Variants in ERBB4 observed in about 807,000 individuals in gnomAD.
The protein encoded by ERBB4 is receptor tyrosine-protein kinase erbB-4.
A neutral mutation model predicts 158.0 loss-of-function variants in ERBB4; 42 were observed. The observed-to-expected ratio is 0.27, with a 90% CI of 0.21 to 0.34. ERBB4 has a LOEUF of 0.34. Ranked by LOEUF, ERBB4 falls within the 10% of genes least tolerant of loss-of-function variation. ERBB4 has a pLI of 1.00. For synonymous variants in ERBB4, 583 were observed against 558.7 expected (o/e 1.04, Z -0.61); for missense variants, 1,333 against 1,624.1 (o/e 0.82, Z 3.08).
chr2:211,775,092 T>A (rs1310500985), intron 4 of ERBB4, among the ~76,000 whole-genome samples: 1 of 152,212 alleles, frequency 6.6e-6, no homozygotes, highest in Non-Finnish European at 1.5e-5. Flanking sequence ...CTCTCTAGAC[T>A]AACAATTAAA....
intron 25 of ERBB4, among the ~76,000 whole-genome samples, chr2:211,415,313 G>A (rs1449867065): frequency 6.6e-6 from 1 of 151,356 alleles, no homozygotes; most frequent in Non-Finnish European, 1.5e-5. Flanking sequence ...TAGAGGCGGG[G>A]TTTCACCGCG....
intron 2 of ERBB4, among the ~76,000 whole-genome samples, chr2:212,083,561 T>C (rs1490917515): frequency 6.6e-6 from 1 of 151,672 alleles, no homozygotes; most frequent in Non-Finnish European, 1.5e-5. Flanking sequence ...GAACATAAAA[T>C]AAGACTACAC....
chr2:211,836,300 A>T (rs1440424349), intron 3 of ERBB4, among the ~76,000 whole-genome samples: 3 of 152,070 alleles, frequency 2.0e-5, no homozygotes, highest in Non-Finnish European at 4.4e-5. Flanking sequence ...AAATAAGAAC[A>T]CACTTTCAGA....
chr2:212,425,129 A>G (rs1409683240), intron 1 of ERBB4, among the ~76,000 whole-genome samples: 3 of 151,808 alleles, frequency 2.0e-5, no homozygotes, highest in Middle Eastern at 3.5e-3. Context: ...TGTAATACTA[A>G]AGTCAAGAAT....
At chr2:212,302,388 C>A (rs760255724) in intron 1 of ERBB4, among the ~76,000 whole-genome samples, 4 of 151,394 alleles carry the variant, frequency 2.6e-5, no homozygotes, top group Non-Finnish European at 4.4e-5. Context: ...TATATAAAAT[C>A]TCCTTGTTGT....
At chr2:212,092,967 A>T (rs986735894) in intron 2 of ERBB4, among the ~76,000 whole-genome samples, 2 of 152,226 alleles carry the variant, frequency 1.3e-5, no homozygotes, top group Non-Finnish European at 2.9e-5. Context: ...ATAAGAAAAA[A>T]TTAGGCAATA....
At chr2:211,534,299 G>A (rs1487117631) in intron 20 of ERBB4, among the ~76,000 whole-genome samples, 1 of 152,118 alleles carries the variant, frequency 6.6e-6, no homozygotes, top group African/African-American at 2.4e-5. Context: ...TAACAGATAA[G>A]TGGGTGTTCT....
chr2:211,526,139 G>A, intron 20 of ERBB4, among the ~76,000 whole-genome samples: 1 of 152,190 alleles, frequency 6.6e-6, no homozygotes, highest in Non-Finnish European at 1.5e-5. Flanking sequence ...TGGGACTTGG[G>A]TGAGACTCAG....
At chr2:211,486,917 T>C (rs1289877838) in intron 20 of ERBB4, among the ~76,000 whole-genome samples, 1 of 152,162 alleles carries the variant, frequency 6.6e-6, no homozygotes, top group Non-Finnish European at 1.5e-5. Flanking sequence ...AGTGTCTTTG[T>C]ATAGAATATA....
Position 211,578,914 on chromosome 2 carries a change from CCG to C in ERBB4, c.2302-16828_2302-16827del, listed in dbSNP as rs551629374. 1.2e-3 allele frequency among the ~76,000 whole-genome samples: 186 copies of C among 152,034 alleles called. 1 individual carries two copies. Among genetic ancestry groups the C allele is most frequent in the Middle Eastern group, 0.01 (3 of 294 alleles). The stretch of plus-strand genomic sequence containing the variant: ...CGTGGGTAAAGATTTCATGAAATCA[CCG>C]AAAGCAATTGCAACAAAAGCAAAGA... On this transcript the variant is annotated intron_variant, in intron 19 of 27. Transcript: ENST00000342788.
intron 1 of ERBB4, among the ~76,000 whole-genome samples, chr2:212,360,236 A>G (rs2089633912): frequency 6.6e-6 from 1 of 151,648 alleles, no homozygotes; most frequent in African/African-American, 2.4e-5. Context: ...AGAGGTTTCC[A>G]AAGCCTTCCT....
chr2:211,699,919 T>G (rs1011614060), intron 12 of ERBB4, among the ~76,000 whole-genome samples: 3 of 152,186 alleles, frequency 2.0e-5, no homozygotes, highest in Admixed American at 2.0e-4. Context: ...TACATTTATT[T>G]TTTTGCATTT....
intron 1 of ERBB4, among the ~76,000 whole-genome samples, chr2:212,520,188 A>G (rs16848731): frequency 0.014 from 2,166 of 152,048 alleles, 49 homozygotes; most frequent in African/African-American, 0.05. Flanking sequence ...AGAATGTCAT[A>G]ATAATGCTAA....
At chr2:211,417,241 G>A (rs375521391) in intron 25 of ERBB4, among the ~76,000 whole-genome samples, 1 of 152,080 alleles carries the variant, frequency 6.6e-6, no homozygotes, top group Non-Finnish European at 1.5e-5. Flanking sequence ...GGGAGGCCAC[G>A]GTGGGTGGAT....
At chr2:212,322,935 C>T (rs1252275821) in intron 1 of ERBB4, among the ~76,000 whole-genome samples, 1 of 137,254 alleles carries the variant, frequency 7.3e-6, no homozygotes, top group Non-Finnish European at 1.5e-5. Flanking sequence ...TTCTCCCTAG[C>T]CGGAAAAAAA....
chr2:211,756,582 T>C (rs1243916532), intron 4 of ERBB4, among the ~76,000 whole-genome samples: 1 of 152,160 alleles, frequency 6.6e-6, no homozygotes, highest in Non-Finnish European at 1.5e-5. Context: ...ATGATATAGT[T>C]TGACCTGTAG....
chr2:211,648,383 A>G (rs2070858985), intron 16 of ERBB4, among the ~76,000 whole-genome samples: 1 of 150,242 alleles, frequency 6.7e-6, no homozygotes, highest in Non-Finnish European at 1.5e-5. Context: ...AAATGCATGT[A>G]AATAATATTA....
chr2:211,646,959 A>G lies in ERBB4; in HGVS notation c.1946+10795T>C, dbSNP rs527981733. On this transcript the variant is annotated intron_variant, in intron 16 of 27. Transcript: ENST00000342788. ...AGCCCAGTTTATATTTGGATTTAAT[A>G]TTCCAGACCATCTGTCTCCTCATAC... is the stretch of plus-strand genomic sequence containing the variant. Among the ~76,000 whole-genome samples, 15 of 151,798 alleles carry G rather than the reference A, an allele frequency of 9.9e-5. No homozygotes were observed. The South Asian group carries it at 3.1e-3, about 31-fold the overall frequency.
rs565914041 is a variant in ERBB4, at chr2:211,562,590, A to G, written c.2302-502T>C. 4.6e-5 allele frequency among the ~76,000 whole-genome samples: 7 copies of G among 152,292 alleles called. No homozygotes were observed. In the South Asian group the frequency reaches 1.5e-3, roughly 32 times the overall value. On this transcript the variant is annotated intron_variant, in intron 19 of 27. Coordinates refer to ENST00000342788, the MANE Select transcript of ERBB4 (RefSeq NM_005235.3). ...AAATCGTAAATATGGAAATGTAGAT[A>G]ATTACAAGTAATATGTCTATTGTCA...
Sources: allele counts gnomAD v4.1 joint callset (sites outside exome capture counted in the v4.1 genomes callset), GRCh38; gene constraint gnomAD v4.1.1; transcripts MANE v1.5; gene names NCBI Gene and HGNC (gene_info 2026-07-23, HGNC 2026-07-21).